Variants in DNAH6 observed in about 807,000 individuals in gnomAD.
The protein encoded by DNAH6 is dynein axonemal heavy chain 6.
DNAH6 carries 340 observed loss-of-function variants against 491.4 expected under a neutral mutation model. The ratio of observed to expected loss-of-function variants is 0.69; its 90% CI spans 0.63 to 0.76. The LOEUF is 0.76. Ranked by LOEUF, DNAH6 falls within the 30% of genes least tolerant of loss-of-function variation. The pLI is 0.00. For synonymous variants in DNAH6, 1,603 were observed against 1,686.1 expected (o/e 0.95, Z 1.21); for missense variants, 4,443 against 4,972.2 (o/e 0.89, Z 3.20).
At chr2:84,621,125 T>A in intron 24 of DNAH6, 66 bp from the exon 25 acceptor site, 1 of 1,484,322 alleles carries the variant, frequency 6.7e-7, no homozygotes, top group East Asian at 2.5e-5. Context: ...GTAATGGAAA[T>A]ACAGAAGGCA....
intron 48 of DNAH6, among the ~76,000 whole-genome samples, 180 bp from the exon 49 acceptor site, chr2:84,700,917 C>A (rs1364583552): frequency 6.6e-6 from 1 of 152,204 alleles, no homozygotes; most frequent in Non-Finnish European, 1.5e-5. Flanking sequence ...CAGACCCAGG[C>A]ACCCCTCAAA....
At chr2:84,816,164 C>A in intron 76 of DNAH6, 81 bp downstream of exon 76, 1 of 1,132,732 alleles carries the variant, frequency 8.8e-7, no homozygotes, top group South Asian at 1.5e-5. Context: ...CTGTGATTGG[C>A]TCAAGATCTC....
At chr2:84,781,006 T>C (rs1344634253) in intron 64 of DNAH6, among the ~76,000 whole-genome samples, 1 of 152,224 alleles carries the variant, frequency 6.6e-6, no homozygotes. Flanking sequence ...GTACTGTTTT[T>C]TGACCTAGGT....
At chr2:84,772,511 T>C (rs1481221297) in intron 64 of DNAH6, among the ~76,000 whole-genome samples, 1 of 151,922 alleles carries the variant, frequency 6.6e-6, no homozygotes, top group African/African-American at 2.4e-5. Flanking sequence ...GCTATAATAA[T>C]ATCAGGAAAA....
intron 2 of DNAH6, among the ~76,000 whole-genome samples, chr2:84,519,305 A>T (rs1321501333): frequency 6.6e-6 from 1 of 152,018 alleles, no homozygotes; most frequent in African/African-American, 2.4e-5. Flanking sequence ...TAGCAAAATA[A>T]ATGTTAGTTT....
At chr2:84,557,527 G>C (rs1222049527) in intron 10 of DNAH6, among the ~76,000 whole-genome samples, 1 of 150,510 alleles carries the variant, frequency 6.6e-6, no homozygotes, top group East Asian at 1.9e-4. Flanking sequence ...GCGGGCGCCT[G>C]TAGTCCCAGC....
chr2:84,665,791 C>T (rs1692061587), intron 37 of DNAH6, among the ~76,000 whole-genome samples: 1 of 152,094 alleles, frequency 6.6e-6, no homozygotes, highest in Admixed American at 6.5e-5. Context: ...GGCAGAGACA[C>T]ACACAAAAAA....
intron 9 of DNAH6, among the ~76,000 whole-genome samples, chr2:84,551,568 T>C (rs73945117): frequency 0.011 from 1,731 of 152,348 alleles, 32 homozygotes; most frequent in African/African-American, 0.04. Context: ...ATTCCCACTA[T>C]TTCAAATAAT....
chr2:84,727,954 C>A, intron 61 of DNAH6, 52 bp downstream of exon 61: 1 of 1,151,918 alleles, frequency 8.7e-7, no homozygotes, highest in South Asian at 1.4e-5. Flanking sequence ...TGTGTCCCCA[C>A]CCAAATCTCA....
the DNAH6 span, among the ~76,000 whole-genome samples, chr2:84,495,436 T>C: frequency 6.6e-6 from 1 of 152,194 alleles, no homozygotes; most frequent in Non-Finnish European, 1.5e-5. Flanking sequence ...GTGCTGGGAT[T>C]ACAGGCATGA....
chr2:84,718,329 C>T lies in DNAH6; in HGVS notation c.9737C>T (p.Ser3246Phe). ...EEKILRMLFTSEGNILDNEEL... is the reference protein window; with the variant it reads ...EEKILRMLFTFEGNILDNEEL... ...AAAATCCTGAGAATGCTCTTTACCT[C>T]TGAAGGAAATATTCTGGACAATGAA... Residue 3246 changes from serine to phenylalanine, a missense_variant, in exon 59 of 77, where the codon TCT (serine) becomes TTT (phenylalanine). Physicochemically the swap from Ser to Phe is radical, Grantham distance 155. This residue lies in a region of DNAH6 where 1,463 missense variants were observed against 1,656.6 expected (regional missense o/e 0.88). Coordinates refer to ENST00000389394, the MANE Select transcript of DNAH6 (RefSeq NM_001370.2). The T allele has an allele frequency of 6.4e-7, 1 of 1,551,066 alleles. No individual in the cohort carries two copies. The highest frequency in any genetic ancestry group is 8.7e-7 in the Non-Finnish European group (1 of 1,146,762).
intron 69 of DNAH6, among the ~76,000 whole-genome samples, chr2:84,796,665 C>A (rs935370170): frequency 6.6e-5 from 10 of 152,094 alleles, no homozygotes; most frequent in African/African-American, 1.9e-4. Flanking sequence ...GTGTCTAAAT[C>A]TGTTTTCAAT....
intron 35 of DNAH6, among the ~76,000 whole-genome samples, chr2:84,657,532 G>A (rs1210786034): frequency 4.0e-5 from 6 of 151,868 alleles, no homozygotes; most frequent in African/African-American, 1.5e-4. Context: ...GTCTTATATA[G>A]ATCTAGTACA....
chr2:84,517,629 A>G (rs1675721086), intron 1 of DNAH6, among the ~76,000 whole-genome samples, 190 bp from the exon 2 acceptor site: 1 of 152,172 alleles, frequency 6.6e-6, no homozygotes, highest in Non-Finnish European at 1.5e-5. Context: ...GCCTAGGCAC[A>G]GTTTCTAATT....
intron 58 of DNAH6, 93 bp from the exon 59 acceptor site, chr2:84,718,111 G>C: frequency 9.2e-7 from 1 of 1,089,926 alleles, no homozygotes; most frequent in Admixed American, 3.1e-5. Context: ...ATAGTATTCA[G>C]AATAAGAACG....
At chr2:84,730,487 A>G (rs1017408880) in intron 61 of DNAH6, among the ~76,000 whole-genome samples, 3 of 152,176 alleles carry the variant, frequency 2.0e-5, no homozygotes, top group Non-Finnish European at 2.9e-5. Flanking sequence ...CCTGGGCCAC[A>G]TTGGAAGAAG....
intron 29 of DNAH6, among the ~76,000 whole-genome samples, chr2:84,631,992 C>A (rs1688443406): frequency 1.3e-5 from 2 of 152,216 alleles, no homozygotes; most frequent in African/African-American, 4.8e-5. Flanking sequence ...AGTGTGGTCT[C>A]CCTTGTTGGA....
At chr2:84,470,139 C>T in the DNAH6 span, among the ~76,000 whole-genome samples, 1 of 152,116 alleles carries the variant, frequency 6.6e-6, no homozygotes, top group African/African-American at 2.4e-5. Flanking sequence ...CAGTATCATC[C>T]CTTCTGTGGT....
chr2:84,677,913 G>A lies in DNAH6; in HGVS notation c.6744+777G>A, dbSNP rs113043001. Among the ~76,000 whole-genome samples, 656 of 152,222 alleles carry A rather than the reference G, an allele frequency of 4.3e-3. 4 individuals are homozygous for A. The highest frequency in any genetic ancestry group is 0.015 in the African/African-American group (615 of 41,540). On this transcript the variant is annotated intron_variant, in intron 41 of 76. Transcript: ENST00000389394. The stretch of plus-strand genomic sequence containing the variant: ...TGCAGAGGCAGGAAATGGTAAGGTG[G>A]GCACAAAGGTAGAATAAGACAGTTC...
Sources: allele counts gnomAD v4.1 joint callset (sites outside exome capture counted in the v4.1 genomes callset), GRCh38; gene constraint gnomAD v4.1.1; regional missense constraint gnomAD v4.1.1; transcripts MANE v1.5; gene names NCBI Gene and HGNC (gene_info 2026-07-23, HGNC 2026-07-21).